The following DGKH variants were observed in gnomAD, a reference collection of about 807,000 sequenced individuals.
DGKH encodes the protein diacylglycerol kinase eta.
DGKH carries 90 observed loss-of-function variants against 159.3 expected under a neutral mutation model. The observed-to-expected ratio is 0.57, with a 90% CI of 0.48 to 0.67. The LOEUF (loss-of-function observed/expected upper bound fraction) is 0.67. DGKH is among the 30% of genes least tolerant of loss of function. The pLI is 0.00. For synonymous variants in DGKH, 536 were observed against 553.8 expected, an observed-to-expected ratio of 0.97 and a Z score of 0.45; for missense variants, 1,181 against 1,506.1, an observed-to-expected ratio of 0.78 and a Z score of 3.57.
intron 21 of DGKH, among the ~76,000 whole-genome samples, chr13:42,207,497 C>T (rs1484508661): frequency 6.6e-6 from 1 of 151,644 alleles, no homozygotes; most frequent in African/African-American, 2.4e-5. Flanking sequence ...AGCCTCAGTA[C>T]TTTTAATTTT....
intron 1 of DGKH, among the ~76,000 whole-genome samples, chr13:42,067,520 G>A (rs542229553): frequency 2.0e-4 from 31 of 152,202 alleles, no homozygotes; most frequent in Non-Finnish European, 3.4e-4. Context: ...TCATGTCATA[G>A]AAAAATGTCT....
intron 1 of DGKH, among the ~76,000 whole-genome samples, chr13:42,077,182 A>G (rs1364407833): frequency 6.6e-6 from 1 of 152,168 alleles, no homozygotes; most frequent in Non-Finnish European, 1.5e-5. Context: ...AGCCCCTGAG[A>G]GACTGGATAG....
chr13:42,146,576 G>T (rs1183957893), intron 3 of DGKH, among the ~76,000 whole-genome samples: 1 of 152,208 alleles, frequency 6.6e-6, no homozygotes, highest in Non-Finnish European at 1.5e-5. Flanking sequence ...ATGTTATGCA[G>T]CCATTAAAAA....
rs1958436241 is a variant in DGKH at position 42,237,326 on chromosome 13, A to C, written c.*8138A>C. On this transcript the variant is annotated 3_prime_UTR_variant, in exon 30 of 30. Transcript: ENST00000337343. ...AAGAACTCATAGGAGACTAATAATT[A>C]ATTTACTATAATTTTAAAGGCAAAG... The C allele has an allele frequency of 6.6e-6, 1 of 152,198 alleles. No individual in the cohort carries two copies. The highest frequency in any genetic ancestry group is 2.4e-5 in the African/African-American group (1 of 41,446). 9.4% of individuals were successfully genotyped at this position (152,198 alleles called of 1,614,324 possible).
At chr13:42,185,777 A>C (rs1053904784) in intron 13 of DGKH, among the ~76,000 whole-genome samples, 1 of 152,250 alleles carries the variant, frequency 6.6e-6, no homozygotes. Context: ...CATGAAGTAC[A>C]TGAATGCATG....
chr13:42,081,320 C>A lies in DGKH; in HGVS notation c.192+32355C>A, dbSNP rs189549999. 6.1e-4 allele frequency among the ~76,000 whole-genome samples: 93 copies of A among 152,158 alleles called. 1 individual carries two copies. The highest frequency in any genetic ancestry group is 2.0e-3 in the African/African-American group (85 of 41,488). ...TGTTGGCTCACTGCAACTTCTACCT[C>A]CTGGGTTCAAGCGATTCTCCTACCT... On this transcript the variant is annotated intron_variant, in intron 1 of 29. Transcript: ENST00000337343.
intron 12 of DGKH, 50 bp downstream of exon 12, chr13:42,174,194 AG>A: frequency 7.3e-7 from 1 of 1,369,514 alleles, no homozygotes; most frequent in Non-Finnish European, 1.0e-6. Flanking sequence ...GGATATCTTG[AG>A]AAAAAAAAAA....
At chr13:42,072,000 T>C (rs1337769876) in intron 1 of DGKH, among the ~76,000 whole-genome samples, 1 of 152,250 alleles carries the variant, frequency 6.6e-6, no homozygotes, top group Non-Finnish European at 1.5e-5. Context: ...GACCCTGGCA[T>C]CACTACTCAG....
intron 1 of DGKH, among the ~76,000 whole-genome samples, chr13:42,042,102 T>C (rs1880548493): frequency 6.6e-6 from 1 of 152,252 alleles, no homozygotes; most frequent in South Asian, 2.1e-4. Flanking sequence ...TGTCTTTGCT[T>C]TCGTGAATTT....
intron 1 of DGKH, 39 bp downstream of exon 1, chr13:42,049,004 G>C (rs1311805581): frequency 4.0e-6 from 5 of 1,256,210 alleles, no homozygotes; most frequent in Non-Finnish European, 5.0e-6. Context: ...CGCGTGGAAA[G>C]CGGGAGGTGG....
chr13:42,075,159 G>GT (rs1954071640), intron 1 of DGKH, among the ~76,000 whole-genome samples: 1 of 152,238 alleles, frequency 6.6e-6, no homozygotes, highest in Middle Eastern at 3.4e-3. Context: ...TTTACTTCTT[G>GT]TTTTTTCATA....
intron 3 of DGKH, among the ~76,000 whole-genome samples, chr13:42,138,720 A>T (rs1292732501): frequency 2.0e-5 from 3 of 152,236 alleles, no homozygotes; most frequent in African/African-American, 7.2e-5. Flanking sequence ...GTTTACAAAC[A>T]TGATTCTTGC....
intron 1 of DGKH, among the ~76,000 whole-genome samples, chr13:42,091,199 A>G (rs968534846): frequency 3.9e-5 from 6 of 152,232 alleles, no homozygotes; most frequent in Non-Finnish European, 5.9e-5. Flanking sequence ...GAACATAGAT[A>G]TGCTCGTAGA....
chr13:42,067,478 C>T (rs1365290289), intron 1 of DGKH, among the ~76,000 whole-genome samples: 3 of 152,118 alleles, frequency 2.0e-5, no homozygotes, highest in Admixed American at 6.5e-5. Context: ...TCTCTCCTCA[C>T]CAAGCACATA....
intron 29 of DGKH, among the ~76,000 whole-genome samples, chr13:42,226,765 G>A (rs1285161136): frequency 2.6e-5 from 4 of 151,708 alleles, no homozygotes; most frequent in Non-Finnish European, 5.9e-5. Flanking sequence ...GCTGAGGCAG[G>A]AGAATCGTTT....
chr13:42,044,381 C>T (rs1218456138), upstream of DGKH: 1 of 152,130 alleles, frequency 6.6e-6, no homozygotes, highest in East Asian at 1.9e-4. Context: ...TCACTGCAAC[C>T]TCCGCCTCCT....
At chr13:42,195,427 G>A (rs9594699) in intron 17 of DGKH, among the ~76,000 whole-genome samples, 19,445 of 152,148 alleles carry the variant, frequency 0.13, 1,626 homozygotes, top group Admixed American at 0.22. Context: ...GCTTGAACTC[G>A]GGAGGCGGAG....
At chr13:42,221,789 T>A (rs968545323) in intron 29 of DGKH, among the ~76,000 whole-genome samples, 5 of 152,130 alleles carry the variant, frequency 3.3e-5, no homozygotes, top group African/African-American at 1.2e-4. Flanking sequence ...TAATGCAAAA[T>A]ACCAATAACA....
chr13:42,127,695 T>G, intron 2 of DGKH, 122 bp downstream of exon 2: 3 of 708,704 alleles, frequency 4.2e-6, no homozygotes, highest in Non-Finnish European at 7.3e-6. Context: ...ATGAATTCAA[T>G]ATAAATGTGA....
Sources: gnomAD v4.1 joint callset for allele counts (sites outside exome capture counted in the v4.1 genomes callset) on GRCh38, gnomAD v4.1.1 for gene constraint, MANE v1.5 for transcripts, NCBI Gene and HGNC (gene_info 2026-07-23, HGNC 2026-07-21) for gene names.